The following POLN variants were observed in gnomAD, a reference collection of about 807,000 sequenced individuals.
POLN encodes DNA polymerase nu, also known as DNA polymerase N.
POLN carries 108 observed loss-of-function variants against 113.5 expected under a neutral mutation model. The ratio of observed to expected loss-of-function variants is 0.95; its 90% CI spans 0.81 to 1.12. POLN has a LOEUF of 1.12. Ranked by LOEUF, POLN falls within the 50% of genes most tolerant of loss-of-function variation. The pLI is 0.00. For synonymous variants in POLN, 386 were observed against 391.5 expected (o/e 0.99, Z 0.17); for missense variants, 1,097 against 1,077.1 (o/e 1.02, Z -0.26).
At chr4:2,221,776 C>T (rs1734259046) in intron 3 of POLN, among the ~76,000 whole-genome samples, 1 of 152,022 alleles carries the variant, frequency 6.6e-6, no homozygotes, top group African/African-American at 2.4e-5. Flanking sequence ...GGTTCCACCA[C>T]GTTGGCCAGT....
At chr4:2,117,202 T>C (rs1008720577) in intron 19 of POLN, among the ~76,000 whole-genome samples, 1 of 152,232 alleles carries the variant, frequency 6.6e-6, no homozygotes, top group African/African-American at 2.4e-5. Context: ...GTGTTGGCTC[T>C]TAAGTTTTCT....
intron 16 of POLN, chr4:2,140,760 A>T (rs1411886576): frequency 6.6e-6 from 1 of 152,150 alleles, no homozygotes; most frequent in African/African-American, 2.4e-5. Flanking sequence ...GGAAAAAAAA[A>T]AATTGCCACT....
chr4:2,159,141 AAAAATT>A lies in POLN; in HGVS notation c.1611+8_1611+13del. On this transcript the variant is annotated splice_region_variant and intron_variant, in intron 14 of 25. Transcript: ENST00000511885. Reference sequence around the variant, plus strand: ...ATCACCTTTTACCTTTTACGTACAAAAAAATTAACTTACCTGCCTGTATTCCAAAAT... The same window carrying A: ...ATCACCTTTTACCTTTTACGTACAAAAACTTACCTGCCTGTATTCCAAAAT... 1 of 1,588,468 alleles carries A rather than the reference AAAAATT, an allele frequency of 6.3e-7. No individual in the cohort carries two copies. Among genetic ancestry groups the A allele is most frequent in the Non-Finnish European group, 8.6e-7 (1 of 1,157,244 alleles).
chr4:2,232,765 A>C (rs543470752), intron 2 of POLN, among the ~76,000 whole-genome samples: 3 of 152,326 alleles, frequency 2.0e-5, no homozygotes, highest in African/African-American at 7.2e-5. Context: ...CAGTAAATTC[A>C]AATTCCTCAG....
intron 4 of POLN, among the ~76,000 whole-genome samples, chr4:2,211,531 T>C (rs1191516755): frequency 6.6e-6 from 1 of 151,992 alleles, no homozygotes; most frequent in Non-Finnish European, 1.5e-5. Flanking sequence ...ATCCCAGCAC[T>C]TTGGGAGGCC....
At chr4:2,133,192 G>C (rs1438927701) in intron 16 of POLN, among the ~76,000 whole-genome samples, 1 of 150,006 alleles carries the variant, frequency 6.7e-6, no homozygotes, top group Non-Finnish European at 1.5e-5. Context: ...GCAAAGAAAG[G>C]GGGAACTCTG....
At chr4:2,130,400 G>C (rs1353257126) in intron 17 of POLN, among the ~76,000 whole-genome samples, 1 of 152,148 alleles carries the variant, frequency 6.6e-6, no homozygotes, top group African/African-American at 2.4e-5. Flanking sequence ...CCCAGCACAG[G>C]GGCAGGAGCG....
chr4:2,165,467 C>G (rs772334430), intron 13 of POLN, among the ~76,000 whole-genome samples: 1 of 152,140 alleles, frequency 6.6e-6, no homozygotes, highest in Non-Finnish European at 1.5e-5. Context: ...AGGGCAGTGG[C>G]GCTGCTCTGT....
At chr4:2,171,917 A>G (rs890474397) in intron 11 of POLN, among the ~76,000 whole-genome samples, 2 of 152,260 alleles carry the variant, frequency 1.3e-5, no homozygotes, top group African/African-American at 4.8e-5. Flanking sequence ...CTCCAACAAT[A>G]TTAAGACTAG....
intron 16 of POLN, among the ~76,000 whole-genome samples, chr4:2,141,571 C>T (rs35297305): frequency 1.3e-3 from 203 of 152,338 alleles, no homozygotes; most frequent in African/African-American, 4.2e-3. Flanking sequence ...GCTCTCAGCA[C>T]GGCCAGCATC....
At chr4:2,090,142 A>G (rs1419136863) in intron 20 of POLN, 7 of 1,027,880 alleles carry the variant, frequency 6.8e-6, no homozygotes, top group Non-Finnish European at 8.5e-6. Context: ...AGAACTTTGA[A>G]CATTATCAGC....
chr4:2,127,061 G>A lies in POLN; in HGVS notation c.1982+1052C>T, dbSNP rs1731598917. ...CTGCTTCCTCATCTCCCACCCCCAG[G>A]TGCTGGGCAGCCTTTCTGTGTGACA... On this transcript the variant is annotated intron_variant, in intron 19 of 25. Coordinates refer to ENST00000511885, the MANE Select transcript of POLN (RefSeq NM_181808.4). The surrounding 1 kb of genome is among the most constrained non-coding windows in gnomAD (Gnocchi z 4.7). 1.3e-5 allele frequency among the ~76,000 whole-genome samples: 2 copies of A among 151,902 alleles called. No homozygotes were observed. The highest frequency in any genetic ancestry group is 1.3e-4 in the Admixed American group (2 of 15,256).
chr4:2,190,000 G>A (rs961585605), intron 7 of POLN, among the ~76,000 whole-genome samples: 1 of 146,554 alleles, frequency 6.8e-6, no homozygotes, highest in Non-Finnish European at 1.5e-5. Flanking sequence ...AATCCAGCCT[G>A]GCAACAGAGC....
intron 8 of POLN, among the ~76,000 whole-genome samples, chr4:2,178,362 G>T (rs1443026425): frequency 6.6e-6 from 1 of 152,228 alleles, no homozygotes; most frequent in South Asian, 2.1e-4. Context: ...AGTAGCCTGT[G>T]TGTTCTTCCA....
intron 13 of POLN, among the ~76,000 whole-genome samples, chr4:2,165,706 G>A (rs1037431058): frequency 2.6e-5 from 4 of 152,130 alleles, no homozygotes; most frequent in African/African-American, 9.7e-5. Context: ...ACAGAACAGC[G>A]AGTACAGAAC....
chr4:2,144,874 A>T (rs1242141443), intron 16 of POLN, among the ~76,000 whole-genome samples: 3 of 152,236 alleles, frequency 2.0e-5, no homozygotes, highest in Non-Finnish European at 4.4e-5. Flanking sequence ...AACGATGACC[A>T]CGTTAGGTAG....
intron 13 of POLN, among the ~76,000 whole-genome samples, chr4:2,159,990 T>C (rs1457252049): frequency 1.3e-5 from 2 of 152,232 alleles, no homozygotes; most frequent in Non-Finnish European, 2.9e-5. Context: ...AATACATACA[T>C]GAAGAAGGGT....
At position 2,229,224 on chromosome 4, in the gene POLN, T is replaced by C. The variant is rs1022805134; in HGVS notation, c.8A>G (p.Asn3Ser). 5.6e-6 allele frequency: 9 copies of C among 1,596,720 alleles called. No homozygotes were observed. The highest frequency in any genetic ancestry group is 1.8e-5 in the Admixed American group (1 of 55,914). The change falls in exon 3 of 26, where the codon AAT (asparagine) becomes AGT (serine). Residue 3 changes from asparagine to serine, a missense_variant. Coordinates refer to ENST00000511885, the MANE Select transcript of POLN (RefSeq NM_181808.4). ME[N>S]YEALVGFDLC... ...ATCAAAGCCTACCAATGCCTCATAA[T>C]TTTCCATTTTCACAAAATCCTAAAT...
intron 20 of POLN, among the ~76,000 whole-genome samples, chr4:2,088,218 A>T (rs1273169981): frequency 6.6e-6 from 1 of 152,216 alleles, no homozygotes; most frequent in East Asian, 1.9e-4. Context: ...TAATAGAAAA[A>T]TTTTAGTATT....
Sources: allele counts gnomAD v4.1 joint callset (sites outside exome capture counted in the v4.1 genomes callset), GRCh38; gene constraint gnomAD v4.1.1; non-coding constraint Gnocchi (gnomAD v3.1); transcripts MANE v1.5; gene names NCBI Gene and HGNC (gene_info 2026-07-23, HGNC 2026-07-21).